SLC7A10: variants seen among roughly 807,000 people sequenced by gnomAD.
SLC7A10 encodes the protein asc-type amino acid transporter 1.
A neutral mutation model predicts 52.7 loss-of-function variants in SLC7A10; 30 were observed. The ratio of observed to expected loss-of-function variants is 0.57; its 90% CI spans 0.43 to 0.77. SLC7A10 has a LOEUF of 0.77. Among genes scored for constraint, SLC7A10 ranks in the 30% least tolerant of loss-of-function variants. The pLI is 0.00. For synonymous variants in SLC7A10, 318 were observed against 314.9 expected (o/e 1.01, Z -0.10); for missense variants, 581 against 698.5 (o/e 0.83, Z 1.90).
rs150681209 is a variant in SLC7A10 at position 33,212,852 on chromosome 19, C to T, written c.507G>A (p.Leu169=). Residue 169 remains leucine (L), a splice_region_variant and synonymous_variant, in exon 3 of 11, where the codon CTG becomes CTA. Transcript: ENST00000253188. ...TASRVLSMAC[L]MLLTWVNSSS... The stretch of plus-strand genomic sequence containing the variant: ...CAGTGGGCCAAAGGGGATGCTTACT[C>T]AGGCAGGCCATGGACAGCACCCGGG... The T allele has an allele frequency of 1.2e-6, 2 of 1,613,506 alleles. No homozygotes were observed. The highest frequency in any genetic ancestry group is 2.7e-5 in the African/African-American group (2 of 74,942).
At chr19:33,211,658 G>A in intron 5 of SLC7A10, 121 bp from the exon 6 acceptor site, 1 of 1,565,668 alleles carries the variant, frequency 6.4e-7, no homozygotes, top group Non-Finnish European at 8.6e-7. Context: ...GTTGGGGCAG[G>A]AAAGGGGGCA....
In SLC7A10 at chr19:33,210,829, G is replaced by A; in HGVS notation, c.1086C>T (p.Cys362=). 2 of 1,613,604 alleles carry A rather than the reference G, an allele frequency of 1.2e-6. No individual in the cohort carries two copies. Among genetic ancestry groups the A allele is most frequent in the South Asian group, 1.1e-5 (1 of 91,084 alleles). ...SLLAMIHVRH[C]TPIPALLVCC... ...AGACGAGGAGGGCGGGGATGGGGGTGCAGTGTCTGACGTGGATCATGGCCA... is the reference window on the plus strand; with the variant it reads ...AGACGAGGAGGGCGGGGATGGGGGTACAGTGTCTGACGTGGATCATGGCCA... The change falls in exon 8 of 11, where the codon TGC becomes TGT. Residue 362 remains cysteine (C), a synonymous_variant. Transcript: ENST00000253188. This position sits in a 1 kb window ranked among gnomAD's most constrained non-coding sequence, Gnocchi z 5.6.
chr19:33,218,846 C>T (rs7254894), intron 1 of SLC7A10, among the ~76,000 whole-genome samples: 96,424 of 149,224 alleles, frequency 0.65, 32,609 homozygotes, highest in Non-Finnish European at 0.73. Flanking sequence ...GGGGGCTGCC[C>T]TGGGTTCCTC....
In SLC7A10 at chr19:33,210,501, C is replaced by CGCA. The variant is rs752902315; in HGVS notation, c.1226_1228dup (p.Leu409dup). 12 of 1,607,164 alleles carry CGCA rather than the reference C, an allele frequency of 7.5e-6. No individual in the cohort carries two copies. In the South Asian group the frequency reaches 8.8e-5, roughly 12 times the overall value. ...CCTGTGGAGTGCAGGCCGCCTCCAG[C>CGCA]GCAGCAGCAGCAGGCCCAGGATGGT... On this transcript the variant is annotated inframe_insertion, in exon 9 of 11. Coordinates refer to ENST00000253188, the MANE Select transcript of SLC7A10 (RefSeq NM_019849.3). This position sits in a 1 kb window ranked among gnomAD's most constrained non-coding sequence, Gnocchi z 5.6.
chr19:33,216,826 C>T (rs974718966), intron 1 of SLC7A10, among the ~76,000 whole-genome samples: 2 of 152,018 alleles, frequency 1.3e-5, no homozygotes, highest in Admixed American at 6.6e-5. Context: ...GTGATCCACC[C>T]GCCTCGGCCT....
In SLC7A10 at chr19:33,209,343, C is replaced by T; in HGVS notation, c.1406G>A (p.Trp469Ter). Residue 469 changes from tryptophan (W) to a stop codon, truncating the protein, a stop_gained, in exon 10 of 11, where the codon TGG (tryptophan) becomes TAG (stop). Coordinates refer to ENST00000253188, the MANE Select transcript of SLC7A10 (RefSeq NM_019849.3). LOFTEE classifies it high-confidence loss of function. ...GVPIFFLGVF[W>*]RSKPKCVHRL... is the part of the protein sequence containing the mutation. The stretch of plus-strand genomic sequence containing the variant: ...GTGCACACACTTTGGTTTGCTTCTC[C>T]AGAACACTCCCAGAAAGAAAATGGG... 1 of 1,614,034 alleles carries T rather than the reference C, an allele frequency of 6.2e-7. No homozygotes were observed. The highest frequency in any genetic ancestry group is 8.5e-7 in the Non-Finnish European group (1 of 1,180,012).
chr19:33,218,623 T>G (rs1168962894), intron 1 of SLC7A10, among the ~76,000 whole-genome samples: 1 of 150,030 alleles, frequency 6.7e-6, no homozygotes, highest in African/African-American at 2.4e-5. Flanking sequence ...CCTCCAATGC[T>G]CTAATGATTA....
chr19:33,211,929 G>A (rs1974562654), intron 5 of SLC7A10: 1 of 477,654 alleles, frequency 2.1e-6, no homozygotes, highest in South Asian at 2.2e-5. Context: ...AAGGTTTACT[G>A]TCGAGATCCC....
chr19:33,212,492 C>T lies in SLC7A10; in HGVS notation c.634+22G>A. 6 of 1,614,026 alleles carry T rather than the reference C, an allele frequency of 3.7e-6. No homozygotes were observed. In the African/African-American group the frequency reaches 4.0e-5, roughly 11 times the overall value. On this transcript the variant is annotated intron_variant, in intron 4 of 10. Transcript: ENST00000253188. Reference sequence around the variant, plus strand: ...GTCAGCACCATCTCCCCAGCCCGGCCCTTACCCCGACTCGGCCCTACCTTG... The same window carrying T: ...GTCAGCACCATCTCCCCAGCCCGGCTCTTACCCCGACTCGGCCCTACCTTG...
chr19:33,223,963 A>G (rs75330886), intron 1 of SLC7A10, among the ~76,000 whole-genome samples: 124,107 of 148,848 alleles, frequency 0.83, 52,581 homozygotes, highest in Non-Finnish European at 0.92. Flanking sequence ...CACCACCACC[A>G]CCACCACCAC....
chr19:33,219,374 C>G (rs1419922261), intron 1 of SLC7A10, among the ~76,000 whole-genome samples: 1 of 152,244 alleles, frequency 6.6e-6, no homozygotes, highest in Non-Finnish European at 1.5e-5. Context: ...TTTCTGGAGG[C>G]AGCGGCAGAC....
rs1481999238 is a variant in SLC7A10 at position 33,208,853 on chromosome 19, T to C, written c.*38A>G. 1.2e-6 allele frequency: 2 copies of C among 1,610,124 alleles called. No homozygotes were observed. The highest frequency in any genetic ancestry group is 1.3e-5 in the African/African-American group (1 of 74,746). The stretch of plus-strand genomic sequence containing the variant: ...CAAAACACCTCCTCAATAAACAACA[T>C]GTAAACAGAAACAACTGCTTCAGTC... On this transcript the variant is annotated 3_prime_UTR_variant, in exon 11 of 11. Transcript: ENST00000253188. The surrounding 1 kb of genome is among the most constrained non-coding windows in gnomAD (Gnocchi z 4.7).
chr19:33,222,629 G>T (rs1384883606), intron 1 of SLC7A10, among the ~76,000 whole-genome samples: 1 of 152,096 alleles, frequency 6.6e-6, no homozygotes, highest in East Asian at 1.9e-4. Context: ...ACCTTGCAAG[G>T]TGGGCATGAG....
At chr19:33,218,661 A>ATCTC (rs1974741209) in intron 1 of SLC7A10, among the ~76,000 whole-genome samples, 1 of 51,180 alleles carries the variant, frequency 2.0e-5, no homozygotes, top group Admixed American at 2.1e-4. Context: ...GGACCGGTGG[A>ATCTC]TTTCTTTCTT....
In SLC7A10 at chr19:33,209,470, G is replaced by A. The variant is rs1385119035; in HGVS notation, c.1279C>T (p.Pro427Ser). 1.9e-6 allele frequency: 3 copies of A among 1,613,868 alleles called. No homozygotes were observed. The highest frequency in any genetic ancestry group is 1.7e-6 in the Non-Finnish European group (2 of 1,179,976). Residue 427 changes from proline (P) to serine (S), a missense_variant, in exon 10 of 11, where the codon CCC becomes TCC. Coordinates refer to ENST00000253188, the MANE Select transcript of SLC7A10 (RefSeq NM_019849.3). ...HRPIKVNLLIPVAYLVFWAFL... is the reference protein window; with the variant it reads ...HRPIKVNLLISVAYLVFWAFL... The stretch of plus-strand genomic sequence containing the variant: ...GCCCAGAAGACCAAGTACGCCACGG[G>A]GATGAGAAGGTTCACCTGGGGAAGG...
At position 33,212,396 on chromosome 19, in the gene SLC7A10, C is replaced by T. The variant is rs370154278; in HGVS notation, c.684G>A (p.Thr228=). Residue 228 remains threonine (T), a synonymous_variant, in exon 5 of 11, where the codon ACG becomes ACA. Coordinates refer to ENST00000253188, the MANE Select transcript of SLC7A10 (RefSeq NM_019849.3). ...CCAGGGCCAGGTGTCCCACGGAGGG[C>T]GTCATCCAGAAAGCAAAGGCATTGC... ...RPSNAFAFWM[T]PSVGHLALAF... 4.1e-5 allele frequency: 66 copies of T among 1,613,754 alleles called. No homozygotes were observed. Among genetic ancestry groups the T allele is most frequent in the Non-Finnish European group, 4.3e-5 (51 of 1,180,052 alleles).
intron 5 of SLC7A10, chr19:33,212,080 G>C: frequency 3.1e-6 from 2 of 645,904 alleles, no homozygotes. Flanking sequence ...GCCCTGCAAG[G>C]GGCTGTGACG....
chr19:33,218,681 CTTTTT>C (rs60465370), intron 1 of SLC7A10, among the ~76,000 whole-genome samples: 5 of 81,838 alleles, frequency 6.1e-5, no homozygotes, highest in East Asian at 3.3e-4. Flanking sequence ...TTCTTTCTTT[CTTTTT>C]TTTTTTTTTT....
chr19:33,212,168 C>T, intron 5 of SLC7A10, 124 bp downstream of exon 5: 1 of 1,403,476 alleles, frequency 7.1e-7, no homozygotes, highest in South Asian at 1.3e-5. Context: ...TTTTGCAGGG[C>T]AACAGGCGTG....
Sources: allele counts gnomAD v4.1 joint callset (sites outside exome capture counted in the v4.1 genomes callset), GRCh38; gene constraint gnomAD v4.1.1; non-coding constraint Gnocchi (gnomAD v3.1); transcripts MANE v1.5; gene names NCBI Gene and HGNC (gene_info 2026-07-23, HGNC 2026-07-21).